The following PDE1C variants were observed in gnomAD, a reference collection of about 807,000 sequenced individuals.
PDE1C encodes dual specificity calcium/calmodulin-dependent 3',5'-cyclic nucleotide phosphodiesterase 1C.
PDE1C carries 62 observed loss-of-function variants against 93.1 expected under a neutral mutation model. The observed-to-expected ratio is 0.67, with a 90% CI of 0.54 to 0.82. The LOEUF is 0.82. Among genes scored for constraint, PDE1C ranks in the 40% least tolerant of loss-of-function variants. PDE1C has a pLI of 0.00. For missense variants in PDE1C, 742 were observed against 884.6 expected (o/e 0.84, Z 2.04); for synonymous variants, 325 against 310.1 (o/e 1.05, Z -0.50).
chr7:32,355,107 G>C (rs892065560), intron 1 of PDE1C, among the ~76,000 whole-genome samples: 22 of 152,082 alleles, frequency 1.4e-4, no homozygotes, highest in African/African-American at 5.1e-4. Context: ...GCCCTAGAAG[G>C]GTCCCAGGTA....
At chr7:32,385,242 A>G (rs1476604764) in intron 1 of PDE1C, among the ~76,000 whole-genome samples, 1 of 152,212 alleles carries the variant, frequency 6.6e-6, no homozygotes, top group East Asian at 1.9e-4. Flanking sequence ...TGAAATTCTA[A>G]GTGGAGACAC....
chr7:32,323,825 C>T (rs1454902643), intron 1 of PDE1C, among the ~76,000 whole-genome samples: 2 of 152,162 alleles, frequency 1.3e-5, no homozygotes, highest in African/African-American at 4.8e-5. Flanking sequence ...CCACTGAAAT[C>T]CCCCACCCCA....
chr7:31,692,355 T>C, the PDE1C span: 1 of 1,064,178 alleles, frequency 9.4e-7, no homozygotes, highest in Non-Finnish European at 1.4e-6. Flanking sequence ...AATGATTGAA[T>C]GAATGAATAA....
chr7:31,649,391 A>G, the PDE1C span, among the ~76,000 whole-genome samples: 151 of 152,238 alleles, frequency 9.9e-4, 1 homozygote, highest in African/African-American at 3.4e-3. Context: ...AGAAGCTTCA[A>G]AACAGCCAGC....
At chr7:31,985,596 A>T (rs1215204421) in intron 2 of PDE1C, among the ~76,000 whole-genome samples, 1 of 146,144 alleles carries the variant, frequency 6.8e-6, no homozygotes, top group Non-Finnish European at 1.5e-5. Context: ...GACAGGTCCC[A>T]GTGTGTGATG....
chr7:31,693,704 C>T, the PDE1C span, among the ~76,000 whole-genome samples: 1 of 152,166 alleles, frequency 6.6e-6, no homozygotes, highest in Non-Finnish European at 1.5e-5. Context: ...ACAGAGTTTG[C>T]ATCTAGACCC....
intron 2 of PDE1C, among the ~76,000 whole-genome samples, chr7:31,981,376 A>G (rs995102494): frequency 2.6e-5 from 4 of 152,218 alleles, no homozygotes; most frequent in Non-Finnish European, 4.4e-5. Flanking sequence ...GGTCGTAAAT[A>G]AAGTTTGACG....
At chr7:31,673,156 A>G in the PDE1C span, among the ~76,000 whole-genome samples, 2 of 152,136 alleles carry the variant, frequency 1.3e-5, no homozygotes, top group African/African-American at 4.8e-5. Context: ...TACAGTGGGG[A>G]AAAAAAGAAG....
At chr7:32,266,764 A>C (rs1810603576) in intron 1 of PDE1C, among the ~76,000 whole-genome samples, 1 of 152,124 alleles carries the variant, frequency 6.6e-6, no homozygotes, top group Admixed American at 6.5e-5. Context: ...GTGAGGATGA[A>C]CACTCAAGGC....
chr7:32,096,510 G>A (rs1797754098), intron 3 of PDE1C, among the ~76,000 whole-genome samples: 1 of 152,144 alleles, frequency 6.6e-6, no homozygotes, highest in Non-Finnish European at 1.5e-5. Context: ...AAAGACTATA[G>A]GATTGGGAAT....
the PDE1C span, among the ~76,000 whole-genome samples, chr7:31,690,234 C>A: frequency 6.6e-6 from 1 of 152,358 alleles, no homozygotes; most frequent in South Asian, 2.1e-4. Flanking sequence ...AGCCAAAAAT[C>A]TAGCGTGGTA....
At chr7:31,670,883 G>T in the PDE1C span, among the ~76,000 whole-genome samples, 2 of 152,290 alleles carry the variant, frequency 1.3e-5, no homozygotes, top group East Asian at 1.9e-4. Context: ...AGCAGCTGGA[G>T]GTCGGAGACT....
chr7:32,252,271 TGCACAAGATCCCGGGACTATAAG>T (rs1428188883), intron 1 of PDE1C, among the ~76,000 whole-genome samples: 1 of 152,220 alleles, frequency 6.6e-6, no homozygotes, highest in African/African-American at 2.4e-5. Flanking sequence ...TGCCCAGCAC[TGCACAAGATCCCGGGACTATAAG>T]GCACAAACCA....
chr7:32,216,594 C>T (rs1335467454), intron 1 of PDE1C, among the ~76,000 whole-genome samples: 1 of 152,206 alleles, frequency 6.6e-6, no homozygotes, highest in Admixed American at 6.5e-5. Context: ...CCCTTGAACA[C>T]TCTGAATATC....
At chr7:31,987,895 C>G (rs1184565772) in intron 2 of PDE1C, among the ~76,000 whole-genome samples, 1 of 152,196 alleles carries the variant, frequency 6.6e-6, no homozygotes, top group African/African-American at 2.4e-5. Context: ...CTCAGCTACC[C>G]TGGATCTGTT....
rs554053987 is a variant in PDE1C at position 32,173,667 on chromosome 7, C to A, written c.137-3711G>T. On this transcript the variant is annotated intron_variant, in intron 2 of 18. Coordinates refer to the PDE1C transcript ENST00000396193. ...ATGAAGGAGTGAGAAGCAGTGCTAG[C>A]TAACACACACCATGCACATGGGATA... Among the ~76,000 whole-genome samples, 46 of 152,230 alleles carry A rather than the reference C, an allele frequency of 3.0e-4. No homozygotes were observed. The South Asian group carries it at 8.9e-3, about 30-fold the overall frequency.
Position 32,021,063 on chromosome 7 carries a change from T to G in PDE1C, c.128+30491A>C, listed in dbSNP as rs115946231. On this transcript the variant is annotated intron_variant, in intron 2 of 17. Transcript: ENST00000396191. ...GAAAGAGCTCCCCAGGTCACTCGTCTGTCTCCTTTCTAATTTGAGTGTGAT... is the reference window on the plus strand; with the variant it reads ...GAAAGAGCTCCCCAGGTCACTCGTCGGTCTCCTTTCTAATTTGAGTGTGAT... Among the ~76,000 whole-genome samples, 568 of 152,262 alleles carry G rather than the reference T, an allele frequency of 3.7e-3. 4 individuals carry two copies. The highest frequency in any genetic ancestry group is 0.012 in the African/African-American group (501 of 41,568).
chr7:31,849,847 G>C (rs559745298), intron 8 of PDE1C, among the ~76,000 whole-genome samples: 1 of 152,246 alleles, frequency 6.6e-6, no homozygotes, highest in Non-Finnish European at 1.5e-5. Context: ...TCTTAGGCTA[G>C]GAGAGGGCAA....
the PDE1C span, among the ~76,000 whole-genome samples, chr7:31,725,498 C>T: frequency 6.6e-6 from 1 of 152,182 alleles, no homozygotes; most frequent in Non-Finnish European, 1.5e-5. Context: ...CAAACATAGA[C>T]CCTGGGATGG....
Sources: allele counts gnomAD v4.1 joint callset (sites outside exome capture counted in the v4.1 genomes callset), GRCh38; gene constraint gnomAD v4.1.1; transcripts MANE v1.5; gene names NCBI Gene and HGNC (gene_info 2026-07-23, HGNC 2026-07-21).